The following ZNF674 variants were observed in gnomAD, a reference collection of about 807,000 sequenced individuals.
ZNF674 encodes the protein zinc finger protein 674.
ZNF674 carries 2 observed loss-of-function variants against 7.0 expected under a neutral mutation model. The ratio of observed to expected loss-of-function variants is 0.29; its 90% CI spans 0.12 to 0.90. ZNF674 has a LOEUF of 0.90. Among genes scored for constraint, ZNF674 ranks in the 40% least tolerant of loss-of-function variants. The pLI is 0.57. For synonymous variants in ZNF674, 103 were observed against 145.2 expected (o/e 0.71, Z 2.09); for missense variants, 297 against 415.5 (o/e 0.71, Z 2.48).
At chrX:46,544,250 C>T (rs1024553323) in intron 2 of ZNF674, among the ~76,000 whole-genome samples, 1 of 113,067 alleles carries the variant, frequency 8.8e-6, no homozygotes, top group Non-Finnish European at 1.9e-5. Flanking sequence ...CAGCTTTGCT[C>T]TGTCTCAGCT....
intron 3 of ZNF674, among the ~76,000 whole-genome samples, chrX:46,537,265 C>CA (rs200502735): frequency 6.2e-4 from 61 of 97,613 alleles, no homozygotes; most frequent in Admixed American, 9.1e-4. Context: ...GATTCTGTCT[C>CA]AAAAAAAAAA....
intron 5 of ZNF674, among the ~76,000 whole-genome samples, chrX:46,522,778 C>T (rs1480287215): frequency 8.9e-6 from 1 of 112,648 alleles, no homozygotes; most frequent in East Asian, 2.7e-4. Flanking sequence ...AATCTCACAA[C>T]TATAGTAGTG....
chrX:46,535,890 C>T (rs1942189946), intron 3 of ZNF674, among the ~76,000 whole-genome samples: 1 of 111,776 alleles, frequency 8.9e-6, no homozygotes, highest in Admixed American at 9.5e-5. Flanking sequence ...CCTAGAAACA[C>T]AAAAAGATTA....
intron 5 of ZNF674, among the ~76,000 whole-genome samples, chrX:46,514,213 A>G (rs1941717798): frequency 8.9e-6 from 1 of 111,788 alleles, no homozygotes; most frequent in Non-Finnish European, 1.9e-5. Flanking sequence ...CCCCACCCCA[A>G]TCTGATGAGA....
Position 46,528,809 on chromosome X carries a change from T to C in ZNF674, c.116A>G (p.Glu39Gly). 1 of 1,211,885 alleles carries C rather than the reference T, an allele frequency of 8.3e-7. No individual in the cohort carries two copies. Among genetic ancestry groups the C allele is most frequent in the East Asian group, 3.0e-5 (1 of 33,851 alleles). The change falls in exon 4 of 6, where the codon GAG becomes GGG. Residue 39 changes from glutamate (E) to glycine (G), a missense_variant. By Grantham distance (98) the Glu-to-Gly change is moderately conservative (BLOSUM62 -2). Transcript: ENST00000683375. The part of the protein sequence containing the change: ...QKNLYRDVML[E>G]NYSHLVSVGH... ...CACGGACACCAGGTGGCTGTAGTTC[T>C]CAAGCATGACATCCCTGTAGAGGTT...
At chrX:46,545,068 C>G (rs781102075) in intron 1 of ZNF674, among the ~76,000 whole-genome samples, 2 of 111,939 alleles carry the variant, frequency 1.8e-5, no homozygotes, top group Non-Finnish European at 3.8e-5. Context: ...GTACCGTTTT[C>G]TCTCTATAAC....
chrX:46,541,673 G>A (rs754331228), intron 3 of ZNF674, among the ~76,000 whole-genome samples: 1 of 112,053 alleles, frequency 8.9e-6, no homozygotes, highest in East Asian at 2.8e-4. Context: ...TGGTACTGGG[G>A]GGAGAAGAAA....
intron 5 of ZNF674, among the ~76,000 whole-genome samples, chrX:46,507,888 A>G (rs1941571180): frequency 8.9e-6 from 1 of 111,900 alleles, no homozygotes; most frequent in African/African-American, 3.2e-5. Flanking sequence ...CATTAAAACT[A>G]ATTATAGTTA....
In ZNF674 at chrX:46,545,393, C is replaced by G. The variant is rs771174435; in HGVS notation, c.-163G>C. 3 of 112,831 alleles carry G rather than the reference C, an allele frequency of 2.7e-5. No homozygotes were observed. Among genetic ancestry groups the G allele is most frequent in the Non-Finnish European group, 5.6e-5 (3 of 53,339 alleles). 9.3% of individuals were successfully genotyped at this position (112,831 alleles called of 1,213,427 possible). A position where few individuals can be genotyped will look rare whatever the true frequency, so the allele number is the denominator to read the frequency against. ...TACTTCACTGCCGACAGCCTGAAAC[C>G]TCAGGGGCGGATGACAACAGCCAGT... On this transcript the variant is annotated 5_prime_UTR_variant, in exon 1 of 6. Coordinates refer to ENST00000683375, the MANE Select transcript of ZNF674 (RefSeq NM_001190417.2).
intron 5 of ZNF674, among the ~76,000 whole-genome samples, chrX:46,511,276 A>T (rs1033077733): frequency 8.9e-6 from 1 of 112,249 alleles, no homozygotes; most frequent in Non-Finnish European, 1.9e-5. Flanking sequence ...GAAGAGAATT[A>T]AAAAAGATTA....
intron 5 of ZNF674, chrX:46,517,978 T>C (rs1287709631): frequency 9.1e-6 from 1 of 109,810 alleles, no homozygotes; most frequent in Non-Finnish European, 1.9e-5. Context: ...CATAAACATA[T>C]ATACCTACTA....
chrX:46,522,266 T>C, intron 5 of ZNF674, among the ~76,000 whole-genome samples: 1 of 109,057 alleles, frequency 9.2e-6, no homozygotes, highest in Non-Finnish European at 1.9e-5. Flanking sequence ...GGTATATACA[T>C]AGGAAAGCTC....
At position 46,499,607 on chromosome X, in the gene ZNF674, A is replaced by G; in HGVS notation, c.*236T>C. On this transcript the variant is annotated 3_prime_UTR_variant, in exon 6 of 6. Transcript: ENST00000683375. ...GCCCCTTTTGAATTATTTGACATAC[A>G]GTTCTTCACTCCTGGGTGAAGAATT... The G allele has an allele frequency of 3.6e-6, 1 of 276,420 alleles. No homozygotes were observed. Among genetic ancestry groups the G allele is most frequent in the Admixed American group, 5.7e-5 (1 of 17,433 alleles). The allele number at this position is 276,420 out of a possible 1,213,427, so 22.8% of individuals were successfully genotyped here.
Position 46,536,373 on chromosome X carries a change from C to T in ZNF674, c.15+5700G>A, listed in dbSNP as rs764906618. ...TTGGGAGGCTGAGGCAGGCGGATCA[C>T]GAGGTCAAGAGATCGAGACCATCCT... On this transcript the variant is annotated intron_variant, in intron 3 of 5. Coordinates refer to ENST00000683375, the MANE Select transcript of ZNF674 (RefSeq NM_001190417.2). 8.0e-4 allele frequency among the ~76,000 whole-genome samples: 89 copies of T among 110,759 alleles called. 1 individual carries two copies. Among genetic ancestry groups the T allele is most frequent in the African/African-American group, 2.8e-3 (86 of 30,493 alleles).
chrX:46,542,304 T>C (rs1942307237), intron 2 of ZNF674, among the ~76,000 whole-genome samples, 188 bp from the exon 3 acceptor site: 1 of 112,288 alleles, frequency 8.9e-6, no homozygotes, highest in African/African-American at 3.2e-5. Flanking sequence ...TTGTCTCCCT[T>C]ACTGGACAGA....
chrX:46,528,900 T>C lies in ZNF674; in HGVS notation c.25A>G (p.Thr9Ala). 1 of 1,211,572 alleles carries C rather than the reference T, an allele frequency of 8.3e-7. No individual in the cohort carries two copies. Among genetic ancestry groups the C allele is most frequent in the South Asian group, 1.8e-5 (1 of 56,967 alleles). MAMSQESLTFKDVFVDFTL... is the reference protein window; with the variant it reads MAMSQESLAFKDVFVDFTL... ...AAGTCCACAAACACGTCCTTGAAGG[T>C]CAATGATTCCTGTAACGGCACATTC... Residue 9 changes from threonine (T) to alanine (A), a missense_variant, in exon 4 of 6, where the codon ACC (threonine) becomes GCC (alanine). Transcript: ENST00000683375.
Position 46,500,337 on chromosome X carries a change from A to G in ZNF674, c.1237T>C (p.Cys413Arg). ...TGEKPYECSICGKTFSGKSHL... is the reference protein window; with the variant it reads ...TGEKPYECSIRGKTFSGKSHL... ...GACTTTCCACTGAAAGTCTTCCCAC[A>G]TATACTACATTCATAGGGTTTCTCT... is the stretch of plus-strand genomic sequence containing the variant. The change falls in exon 6 of 6, where the codon TGT becomes CGT. Residue 413 changes from cysteine to arginine, a missense_variant. By Grantham distance (180) the Cys-to-Arg change is radical. Transcript: ENST00000683375. 2 of 1,211,393 alleles carry G rather than the reference A, an allele frequency of 1.7e-6. No individual in the cohort carries two copies. Among genetic ancestry groups the G allele is most frequent in the South Asian group, 1.8e-5 (1 of 57,002 alleles).
At chrX:46,521,631 T>C (rs780279834) in intron 5 of ZNF674, among the ~76,000 whole-genome samples, 2 of 105,343 alleles carry the variant, frequency 1.9e-5, no homozygotes, top group Admixed American at 2.1e-4. Context: ...TCCCAGTACT[T>C]TGGGAGGCCA....
At chrX:46,526,398 C>T (rs1201828316) in intron 5 of ZNF674, among the ~76,000 whole-genome samples, 2 of 111,035 alleles carry the variant, frequency 1.8e-5, no homozygotes, top group Admixed American at 1.9e-4. Flanking sequence ...CCCACCTCAA[C>T]CTCCCAAGTA....
Sources: allele counts gnomAD v4.1 joint callset (sites outside exome capture counted in the v4.1 genomes callset), GRCh38; gene constraint gnomAD v4.1.1; transcripts MANE v1.5; gene names NCBI Gene and HGNC (gene_info 2026-07-23, HGNC 2026-07-21).